Variants in DLC1 observed in about 807,000 individuals in gnomAD.
DLC1 encodes the protein rho GTPase-activating protein 7.
A neutral mutation model predicts 140.3 loss-of-function variants in DLC1; 54 were observed. That is an observed-to-expected ratio of 0.38 (90% CI 0.31 to 0.48). DLC1 has a LOEUF of 0.48. Ranked by LOEUF, DLC1 falls within the 20% of genes least tolerant of loss-of-function variation. DLC1 has a pLI of 0.96. For missense variants in DLC1, 2,536 were observed against 1,907.0 expected (o/e 1.33, Z -6.14); for synonymous variants, 986 against 728.1 (o/e 1.35, Z -5.70).
intron 4 of DLC1, among the ~76,000 whole-genome samples, chr8:13,372,431 T>C (rs2117122205): frequency 6.6e-6 from 1 of 152,250 alleles, no homozygotes; most frequent in South Asian, 2.1e-4. Flanking sequence ...GGTGGTCAGT[T>C]CACTAGCACT....
At chr8:13,101,862 A>T (rs1327747460) in intron 8 of DLC1, among the ~76,000 whole-genome samples, 1 of 152,198 alleles carries the variant, frequency 6.6e-6, no homozygotes, top group Non-Finnish European at 1.5e-5. Context: ...GGACTATTGC[A>T]TCTTGGCCTT....
intron 5 of DLC1, among the ~76,000 whole-genome samples, chr8:13,269,939 C>T (rs565409874): frequency 2.7e-5 from 4 of 149,774 alleles, no homozygotes; most frequent in Non-Finnish European, 5.9e-5. Flanking sequence ...TGGTGGCGGG[C>T]GCCTGTAGTC....
chr8:13,207,205 C>T (rs1350085832), intron 5 of DLC1, among the ~76,000 whole-genome samples: 6 of 152,034 alleles, frequency 3.9e-5, no homozygotes, highest in Non-Finnish European at 7.4e-5. Context: ...AATAATTGCA[C>T]TTGTGGTAAT....
At chr8:13,487,720 C>T (rs2117147854) in intron 2 of DLC1, among the ~76,000 whole-genome samples, 1 of 152,030 alleles carries the variant, frequency 6.6e-6, no homozygotes, top group Non-Finnish European at 1.5e-5. Context: ...TGACAGGTGC[C>T]CACCACCATG....
At chr8:13,336,376 T>C (rs1331499868) in intron 4 of DLC1, among the ~76,000 whole-genome samples, 1 of 152,210 alleles carries the variant, frequency 6.6e-6, no homozygotes, top group African/African-American at 2.4e-5. Context: ...TTTGTTACAC[T>C]ATATTAATTT....
At chr8:13,452,031 T>C (rs1377309929) in intron 2 of DLC1, among the ~76,000 whole-genome samples, 4 of 152,128 alleles carry the variant, frequency 2.6e-5, no homozygotes, top group African/African-American at 9.7e-5. Context: ...AATCAGACTT[T>C]ATTGCCATTA....
intron 5 of DLC1, among the ~76,000 whole-genome samples, chr8:13,215,944 G>A (rs1353886636): frequency 6.6e-6 from 1 of 152,072 alleles, no homozygotes; most frequent in African/African-American, 2.4e-5. Flanking sequence ...TCCATTTAGT[G>A]CCCACCAGAT....
chr8:13,269,168 C>T lies in DLC1; in HGVS notation c.1348+36101G>A, dbSNP rs373211912. Reference sequence around the variant, plus strand: ...GATTACAGGTGTGAGCCACCGCTCCCGGCCTCATTCATATTCTAAGAAAGC... The same window carrying T: ...GATTACAGGTGTGAGCCACCGCTCCTGGCCTCATTCATATTCTAAGAAAGC... On this transcript the variant is annotated intron_variant, in intron 5 of 17. Transcript: ENST00000276297. 6.6e-5 allele frequency among the ~76,000 whole-genome samples: 10 copies of T among 152,074 alleles called. No individual in the cohort carries two copies. In the East Asian group the frequency reaches 1.7e-3, roughly 26 times the overall value.
At chr8:13,380,368 T>C (rs1386392239) in intron 4 of DLC1, among the ~76,000 whole-genome samples, 3 of 152,242 alleles carry the variant, frequency 2.0e-5, no homozygotes, top group Admixed American at 6.5e-5. Context: ...AACTATTTTG[T>C]AGTGTTTTAA....
intron 5 of DLC1, among the ~76,000 whole-genome samples, chr8:13,296,330 G>A (rs1037724465): frequency 7.2e-5 from 11 of 151,954 alleles, no homozygotes; most frequent in African/African-American, 1.7e-4. Context: ...TTCATAAATT[G>A]TCTTTCTTCT....
At chr8:13,280,717 G>A (rs1345533925) in intron 5 of DLC1, among the ~76,000 whole-genome samples, 2 of 152,190 alleles carry the variant, frequency 1.3e-5, no homozygotes, top group Admixed American at 6.5e-5. Flanking sequence ...TGTTGCTGAT[G>A]AAAATCATTT....
At chr8:13,426,375 G>A (rs751814386) in intron 2 of DLC1, among the ~76,000 whole-genome samples, 4 of 152,090 alleles carry the variant, frequency 2.6e-5, no homozygotes, top group Admixed American at 1.3e-4. Context: ...AGATGCACAT[G>A]TTTTTATTAC....
intron 1 of DLC1, among the ~76,000 whole-genome samples, chr8:13,505,347 T>C (rs1305843576): frequency 1.3e-5 from 2 of 150,170 alleles, no homozygotes; most frequent in Non-Finnish European, 1.5e-5. Context: ...ATGTTTAAAA[T>C]AGAAAAAAAA....
chr8:13,237,607 C>T (rs1372254968), intron 5 of DLC1, among the ~76,000 whole-genome samples: 1 of 151,988 alleles, frequency 6.6e-6, no homozygotes, highest in Non-Finnish European at 1.5e-5. Flanking sequence ...TATCCCTCAG[C>T]CCCCTCCCTA....
intron 5 of DLC1, among the ~76,000 whole-genome samples, chr8:13,287,263 C>A (rs1831565469): frequency 6.6e-6 from 1 of 152,064 alleles, no homozygotes; most frequent in South Asian, 2.1e-4. Flanking sequence ...AGGGTCTAGA[C>A]AGATGGTCAG....
intron 12 of DLC1, among the ~76,000 whole-genome samples, chr8:13,094,053 T>G (rs569657347): frequency 6.6e-6 from 1 of 152,290 alleles, no homozygotes; most frequent in African/African-American, 2.4e-5. Context: ...CAGACACCTG[T>G]GAAATTTTAA....
At chr8:13,214,820 A>G in intron 5 of DLC1, 1 of 773,122 alleles carries the variant, frequency 1.3e-6, no homozygotes, top group Non-Finnish European at 2.4e-6. Context: ...AAAATGATTG[A>G]TTTGAGTGCT....
rs193229731 is a variant in DLC1 at position 13,269,833 on chromosome 8, G to A, written c.1348+35436C>T. Among the ~76,000 whole-genome samples, 41 of 151,578 alleles carry A rather than the reference G, an allele frequency of 2.7e-4. 1 individual carries two copies. Among genetic ancestry groups the A allele is most frequent in the Admixed American group, 5.9e-4 (9 of 15,228 alleles). ...AGCATTTTGGGAGGCTGAAGCAGGC[G>A]GATCACGAGGTCGGGAGATCAAGAC... is the stretch of plus-strand genomic sequence containing the variant. On this transcript the variant is annotated intron_variant, in intron 5 of 17. Coordinates refer to ENST00000276297, the MANE Select transcript of DLC1 (RefSeq NM_182643.3).
intron 4 of DLC1, among the ~76,000 whole-genome samples, chr8:13,321,543 GAA>G (rs869200841): frequency 1.2e-3 from 13 of 10,484 alleles, no homozygotes; most frequent in African/African-American, 2.8e-3. Context: ...TCTCAAAAAA[GAA>G]AAAAAAAAAA....
Sources: gnomAD v4.1 joint callset for allele counts (sites outside exome capture counted in the v4.1 genomes callset) on GRCh38, gnomAD v4.1.1 for gene constraint, MANE v1.5 for transcripts, NCBI Gene and HGNC (gene_info 2026-07-23, HGNC 2026-07-21) for gene names.